The following UNC79 variants were observed in gnomAD, a reference collection of about 807,000 sequenced individuals.
UNC79 encodes protein unc-79 homolog.
Under a neutral mutation model 283.1 loss-of-function variants are expected in UNC79, and 37 were observed. The ratio of observed to expected loss-of-function variants is 0.13; its 90% CI spans 0.10 to 0.17. The LOEUF (loss-of-function observed/expected upper bound fraction) is 0.17. Ranked by LOEUF, UNC79 falls within the 10% of genes least tolerant of loss-of-function variation. UNC79 has a pLI of 1.00. For missense variants in UNC79, 2,272 were observed against 3,211.1 expected, an observed-to-expected ratio of 0.71 and a Z score of 7.07; for synonymous variants, 1,107 against 1,200.2, an observed-to-expected ratio of 0.92 and a Z score of 1.61.
Position 93,688,561 on chromosome 14 carries a change from G to A in UNC79, c.6910-104G>A. 1 of 1,324,498 alleles carries A rather than the reference G, an allele frequency of 7.6e-7. No individual in the cohort carries two copies. The highest frequency in any genetic ancestry group is 1.0e-6 in the Non-Finnish European group (1 of 961,628). 82.0% of individuals were successfully genotyped at this position (1,324,498 alleles called of 1,614,324 possible). On this transcript the variant is annotated intron_variant, in intron 43 of 48. Coordinates refer to ENST00000555664, the Ensembl canonical transcript of UNC79. This position sits in a 1 kb window ranked among gnomAD's most constrained non-coding sequence, Gnocchi z 4.0. ...AGTTTAAGCAGGTTGTTTGCTCAGA[G>A]TGGCGATAAGCGGGGTGGAAATGAC... is the stretch of plus-strand genomic sequence containing the variant.
At chr14:93,625,063 AC>A (rs758291593) in intron 30 of UNC79, among the ~76,000 whole-genome samples, 1 of 152,170 alleles carries the variant, frequency 6.6e-6, no homozygotes, top group East Asian at 1.9e-4. Flanking sequence ...GACTCCTGAA[AC>A]CCTTCCCCTG....
intron 47 of UNC79, among the ~76,000 whole-genome samples, chr14:93,698,523 T>C (rs2075318141): frequency 1.4e-5 from 2 of 141,452 alleles, no homozygotes; most frequent in African/African-American, 5.1e-5. Flanking sequence ...TCTTGCTCTG[T>C]CACCCAGACT....
intron 1 of UNC79, among the ~76,000 whole-genome samples, chr14:93,394,656 C>CT (rs2054957046): frequency 1.3e-5 from 2 of 152,144 alleles, no homozygotes; most frequent in Non-Finnish European, 1.5e-5. Context: ...ATCCACCCTC[C>CT]TCAGCCTCCC....
At chr14:93,618,384 G>C (rs1187224865) in intron 29 of UNC79, 30 bp downstream of exon 30, 2 of 1,575,984 alleles carry the variant, frequency 1.3e-6, no homozygotes, top group Non-Finnish European at 1.7e-6. Flanking sequence ...CCCAAACCTA[G>C]CTTCAATACA....
intron 44 of UNC79, chr14:93,689,527 T>G (rs2074521721): frequency 6.7e-6 from 1 of 150,238 alleles, no homozygotes; most frequent in Non-Finnish European, 1.5e-5. Flanking sequence ...TCTTGCTCTG[T>G]TGCCCAGGCT....
intron 19 of UNC79, among the ~76,000 whole-genome samples, chr14:93,581,714 G>A (rs527755481): frequency 5.9e-5 from 9 of 151,670 alleles, no homozygotes; most frequent in South Asian, 2.1e-4. Flanking sequence ...GGCTGGTCTC[G>A]AATTCCCGAC....
exon 27 of UNC79, chr14:93,612,872 T>C (rs779546159): frequency 6.2e-7 from 1 of 1,613,444 alleles, no homozygotes; most frequent in South Asian, 1.1e-5. Flanking sequence ...CACCAGACAG[T>C]TCACCAGCTG....
At chr14:93,346,077 G>A (rs577360031) in intron 1 of UNC79, among the ~76,000 whole-genome samples, 1 of 151,792 alleles carries the variant, frequency 6.6e-6, no homozygotes, top group African/African-American at 2.4e-5. Flanking sequence ...TTTAAATGGA[G>A]ACCAATATAT....
At chr14:93,486,867 C>A (rs2058469488) in intron 4 of UNC79, among the ~76,000 whole-genome samples, 1 of 151,962 alleles carries the variant, frequency 6.6e-6, no homozygotes, top group Non-Finnish European at 1.5e-5. Flanking sequence ...TGAGTGGAGA[C>A]CATGATTATA....
At chr14:93,547,277 G>C (rs575241814) in intron 14 of UNC79, among the ~76,000 whole-genome samples, 1 of 152,300 alleles carries the variant, frequency 6.6e-6, no homozygotes. Context: ...CCTAAGGACA[G>C]TTAAACATCT....
intron 1 of UNC79, among the ~76,000 whole-genome samples, chr14:93,453,454 G>A (rs1191204198): frequency 6.6e-6 from 1 of 152,140 alleles, no homozygotes; most frequent in African/African-American, 2.4e-5. Flanking sequence ...TTAGTAATGA[G>A]AGATTAAATA....
intron 1 of UNC79, among the ~76,000 whole-genome samples, chr14:93,405,679 A>C (rs2055211714): frequency 6.6e-6 from 1 of 152,228 alleles, no homozygotes; most frequent in South Asian, 2.1e-4. Flanking sequence ...TGGTAAGAAA[A>C]TTCTGTATGT....
intron 1 of UNC79, among the ~76,000 whole-genome samples, chr14:93,379,335 T>C (rs2054619585): frequency 1.3e-5 from 2 of 152,056 alleles, no homozygotes; most frequent in Admixed American, 1.3e-4. Flanking sequence ...AGGCTATAGA[T>C]AACCAAAAAA....
intron 37 of UNC79, among the ~76,000 whole-genome samples, chr14:93,654,451 G>T (rs139210134): frequency 2.0e-5 from 3 of 148,530 alleles, no homozygotes; most frequent in Non-Finnish European, 4.5e-5. Flanking sequence ...AGCTGTGATG[G>T]CTACATTACA....
chr14:93,634,549 C>T, intron 31 of UNC79: 1 of 1,613,990 alleles, frequency 6.2e-7, no homozygotes, highest in South Asian at 1.1e-5. Context: ...AAAGGGGATC[C>T]CTGGGAGTTC....
At chr14:93,470,240 T>C (rs915337466) in intron 2 of UNC79, among the ~76,000 whole-genome samples, 5 of 152,220 alleles carry the variant, frequency 3.3e-5, no homozygotes, top group African/African-American at 1.2e-4. Context: ...GGTTGCATTT[T>C]TGGAGCAATA....
In UNC79 at chr14:93,430,730, T is replaced by G; in HGVS notation, c.-300T>G. 1 of 326,300 alleles carries G rather than the reference T, an allele frequency of 3.1e-6. No individual in the cohort carries two copies. The highest frequency in any genetic ancestry group is 5.8e-6 in the Non-Finnish European group (1 of 171,590). 20.2% of individuals were successfully genotyped at this position (326,300 alleles called of 1,614,324 possible). ...CCAGGAGCCGCAGCCTGCTCTCTCC[T>G]TTCGGTCTCCCCGCCCACATCAACG... On this transcript the variant is annotated 5_prime_UTR_variant, in exon 1 of 49. Coordinates refer to ENST00000555664, the Ensembl canonical transcript of UNC79. The surrounding 1 kb of genome is among the most constrained non-coding windows in gnomAD (Gnocchi z 4.6).
At chr14:93,590,578 G>C (rs969020666) in intron 22 of UNC79, among the ~76,000 whole-genome samples, 4 of 152,168 alleles carry the variant, frequency 2.6e-5, no homozygotes, top group Non-Finnish European at 4.4e-5. Flanking sequence ...CAAATGGACT[G>C]TTAGTGCCAT....
chr14:93,675,097 C>T (rs1484650074), intron 41 of UNC79, among the ~76,000 whole-genome samples: 1 of 152,196 alleles, frequency 6.6e-6, no homozygotes, highest in East Asian at 1.9e-4. Context: ...CCTAGAGTGA[C>T]CTTGTAAGGT....
Sources: allele counts gnomAD v4.1 joint callset (sites outside exome capture counted in the v4.1 genomes callset), GRCh38; gene constraint gnomAD v4.1.1; non-coding constraint Gnocchi (gnomAD v3.1); transcripts MANE v1.5; gene names NCBI Gene and HGNC (gene_info 2026-07-23, HGNC 2026-07-21).